Variants in GINS1 observed in about 807,000 individuals in gnomAD.
GINS1 encodes DNA replication complex GINS protein PSF1.
In GINS1, 26 loss-of-function variants were observed where a neutral mutation model predicts 34.9. The ratio of observed to expected loss-of-function variants is 0.74; its 90% CI spans 0.55 to 1.03. GINS1 has a LOEUF of 1.03. GINS1 is among the 50% of genes least tolerant of loss of function. The pLI, the probability that GINS1 is intolerant of heterozygous loss-of-function variation, is 0.00. For synonymous variants in GINS1, 97 were observed against 84.4 expected (o/e 1.15, Z -0.82); for missense variants, 235 against 237.9 (o/e 0.99, Z 0.08).
intron 2 of GINS1, among the ~76,000 whole-genome samples, chr20:25,415,656 G>C (rs1490912291): frequency 6.9e-6 from 1 of 144,676 alleles, no homozygotes; most frequent in Non-Finnish European, 1.5e-5. Flanking sequence ...TTGCACTCCA[G>C]CTTGGGCAAC....
intron 3 of GINS1, 124 bp downstream of exon 3, chr20:25,417,326 T>C: frequency 3.2e-6 from 2 of 620,276 alleles, no homozygotes; most frequent in Non-Finnish European, 5.7e-6. Context: ...AAATTTTTCC[T>C]CTGTGTTTTC....
chr20:25,407,969 C>G, intron 1 of GINS1, 74 bp downstream of exon 1: 3 of 1,121,816 alleles, frequency 2.7e-6, no homozygotes, highest in South Asian at 2.5e-5. Flanking sequence ...GGCTCCCCGT[C>G]AGGGTTCACT....
intron 5 of GINS1, among the ~76,000 whole-genome samples, chr20:25,439,071 G>A (rs1256414070): frequency 5.3e-5 from 8 of 152,266 alleles, no homozygotes; most frequent in African/African-American, 1.7e-4. Flanking sequence ...AACAAATGTA[G>A]CAGGAATATA....
At chr20:25,441,321 C>T (rs367815094) in intron 5 of GINS1, among the ~76,000 whole-genome samples, 32 of 152,274 alleles carry the variant, frequency 2.1e-4, no homozygotes, top group Middle Eastern at 3.4e-3. Flanking sequence ...GTGTCCCATT[C>T]TCAGATACTG....
In GINS1 at chr20:25,421,882, G is replaced by A. The variant is rs111469426; in HGVS notation, c.331-3329G>A. On this transcript the variant is annotated intron_variant, in intron 4 of 6. Transcript: ENST00000262460. ...TTCTCAGTGGAGACAAAGTAGAAAA[G>A]ACCACAGTGGAAACACCCATGTTTG... Among the ~76,000 whole-genome samples, 1,094 of 152,162 alleles carry A rather than the reference G, an allele frequency of 7.2e-3. 6 individuals carry two copies. Among genetic ancestry groups the A allele is most frequent in the Middle Eastern group, 0.02 (6 of 294 alleles).
At chr20:25,440,292 TGTACA>T (rs970426876) in intron 5 of GINS1, among the ~76,000 whole-genome samples, 1 of 151,944 alleles carries the variant, frequency 6.6e-6, no homozygotes, top group African/African-American at 2.4e-5. Flanking sequence ...TGAGCTGCCA[TGTACA>T]GTCAGTATTG....
rs1384925049 is a variant in GINS1, at chr20:25,447,258, T to G, written c.*1267T>G. On this transcript the variant is annotated 3_prime_UTR_variant, in exon 7 of 7. Coordinates refer to ENST00000262460, the MANE Select transcript of GINS1 (RefSeq NM_021067.5). ...TTTTACCATGTTGGCCAGGCTGGTTTCAAACTCCTGACCTCAAGTGACCCA... is the reference window on the plus strand; with the variant it reads ...TTTTACCATGTTGGCCAGGCTGGTTGCAAACTCCTGACCTCAAGTGACCCA... The G allele has an allele frequency of 1.3e-5, 2 of 152,196 alleles. No homozygotes were observed. Among genetic ancestry groups the G allele is most frequent in the Non-Finnish European group, 2.9e-5 (2 of 68,036 alleles). The allele number at this position is 152,196 out of a possible 1,614,324, so 9.4% of individuals were successfully genotyped here.
chr20:25,426,170 G>A (rs1180066561), intron 5 of GINS1, among the ~76,000 whole-genome samples: 4 of 152,148 alleles, frequency 2.6e-5, no homozygotes, highest in Non-Finnish European at 5.9e-5. Context: ...TTTCTGAGAA[G>A]CTACAAATGA....
At chr20:25,443,623 C>T (rs529946485) in intron 6 of GINS1, among the ~76,000 whole-genome samples, 10 of 151,802 alleles carry the variant, frequency 6.6e-5, no homozygotes, top group Admixed American at 3.3e-4. Context: ...GGATTACAGG[C>T]GCCTGCCACC....
In GINS1 at chr20:25,446,056, C is replaced by T. The variant is rs548178239; in HGVS notation, c.*65C>T. ...GACTCCTCTGTACTCACTCTCTCCA[C>T]CACTCCCTTCACCTCCCTCTTTGAT... On this transcript the variant is annotated 3_prime_UTR_variant, in exon 7 of 7. Coordinates refer to ENST00000262460, the MANE Select transcript of GINS1 (RefSeq NM_021067.5). The T allele has an allele frequency of 1.5e-4, 123 of 803,104 alleles. No homozygotes were observed. In the South Asian group the frequency reaches 1.9e-3, roughly 13 times the overall value. The allele number at this position is 803,104 out of a possible 1,614,324, so 49.7% of individuals were successfully genotyped here.
chr20:25,409,461 G>A (rs1183508950), intron 1 of GINS1, among the ~76,000 whole-genome samples: 1 of 152,164 alleles, frequency 6.6e-6, no homozygotes, highest in Non-Finnish European at 1.5e-5. Flanking sequence ...TTAGAGCAGG[G>A]GCAGAGATGG....
At chr20:25,418,506 A>T (rs374512863) in intron 4 of GINS1, among the ~76,000 whole-genome samples, 1 of 152,230 alleles carries the variant, frequency 6.6e-6, no homozygotes, top group Non-Finnish European at 1.5e-5. Context: ...ATGTGTATAT[A>T]TACTTTCCTA....
chr20:25,414,531 C>T (rs899578137), intron 2 of GINS1, among the ~76,000 whole-genome samples: 2 of 151,998 alleles, frequency 1.3e-5, no homozygotes, highest in African/African-American at 2.4e-5. Context: ...AGGACTCTGT[C>T]TCTATTAAAA....
rs545271837 is a variant in GINS1, at chr20:25,416,229, G to A, written c.141-875G>A. On this transcript the variant is annotated intron_variant, in intron 2 of 6. Transcript: ENST00000262460. Reference sequence around the variant, plus strand: ...GTGAGAAGGTTATAAATGTTTTGGAGGAGACCCTATAGGCCTTGGTTCAGT... The same window carrying A: ...GTGAGAAGGTTATAAATGTTTTGGAAGAGACCCTATAGGCCTTGGTTCAGT... Among the ~76,000 whole-genome samples the A allele has an allele frequency of 2.0e-5, 3 of 152,262 alleles. No homozygotes were observed. The East Asian group carries it at 5.8e-4, about 29-fold the overall frequency.
At chr20:25,416,969 T>A in intron 2 of GINS1, 135 bp from the exon 3 acceptor site, 1 of 544,364 alleles carries the variant, frequency 1.8e-6, no homozygotes, top group Non-Finnish European at 3.2e-6. Flanking sequence ...GTACAAATAG[T>A]TATTATTTGC....
At chr20:25,440,152 C>T (rs139431874) in intron 5 of GINS1, among the ~76,000 whole-genome samples, 1,752 of 152,042 alleles carry the variant, frequency 0.012, 31 homozygotes, top group African/African-American at 0.037. Flanking sequence ...AGGCACGCAC[C>T]ACCACACCCA....
Position 25,407,716 on chromosome 20 carries a change from G to T in GINS1, c.-105G>T, listed in dbSNP as rs746877611. ...GAGCGGAGGCCGAGGCGAGAGCCTG[G>T]CGCTGTAGGACTAGAACGAAAGGAG... On this transcript the variant is annotated 5_prime_UTR_variant, in exon 1 of 7. Coordinates refer to ENST00000262460, the MANE Select transcript of GINS1 (RefSeq NM_021067.5). 9.1e-6 allele frequency: 8 copies of T among 878,454 alleles called. No individual in the cohort carries two copies. The highest frequency in any genetic ancestry group is 4.2e-5 in the Admixed American group (2 of 48,130). The allele number at this position is 878,454 out of a possible 1,614,324, so 54.4% of individuals were successfully genotyped here.
chr20:25,409,976 C>T (rs1444291556), intron 1 of GINS1, among the ~76,000 whole-genome samples: 1 of 152,154 alleles, frequency 6.6e-6, no homozygotes, highest in Non-Finnish European at 1.5e-5. Flanking sequence ...CTTAGTTTAG[C>T]TCTCTGTTTT....
intron 5 of GINS1, among the ~76,000 whole-genome samples, chr20:25,438,253 C>T (rs2090464455): frequency 6.6e-6 from 1 of 152,034 alleles, no homozygotes; most frequent in South Asian, 2.1e-4. Context: ...ACCAGGACTC[C>T]TTGCACAAAA....
Sources: allele counts gnomAD v4.1 joint callset (sites outside exome capture counted in the v4.1 genomes callset), GRCh38; gene constraint gnomAD v4.1.1; transcripts MANE v1.5; gene names NCBI Gene and HGNC (gene_info 2026-07-23, HGNC 2026-07-21).